Variants in GMEB1 observed in about 807,000 individuals in gnomAD.
GMEB1 encodes the protein glucocorticoid modulatory element binding protein 1.
GMEB1 carries 6 observed loss-of-function variants against 52.4 expected under a neutral mutation model. The ratio of observed to expected loss-of-function variants is 0.11; its 90% CI spans 0.06 to 0.23. The LOEUF is 0.23. GMEB1 is among the 10% of genes least tolerant of loss of function. The pLI is 1.00. For missense variants in GMEB1, 486 were observed against 685.6 expected (o/e 0.71, Z 3.25); for synonymous variants, 255 against 244.9 (o/e 1.04, Z -0.38).
At chr1:28,675,623 T>G (rs1258475685) in intron 1 of GMEB1, among the ~76,000 whole-genome samples, 2 of 145,810 alleles carry the variant, frequency 1.4e-5, no homozygotes, top group African/African-American at 5.1e-5. Flanking sequence ...GAAGTTGCAG[T>G]GAGCGGAGAT....
intron 8 of GMEB1, among the ~76,000 whole-genome samples, chr1:28,706,966 C>G (rs536168473): frequency 9.9e-4 from 133 of 133,766 alleles, no homozygotes; most frequent in African/African-American, 3.6e-3. Context: ...CATGCCTGTC[C>G]TCCAGATTTG....
intron 5 of GMEB1, among the ~76,000 whole-genome samples, chr1:28,694,711 C>T (rs1670119313): frequency 6.6e-6 from 1 of 151,152 alleles, no homozygotes; most frequent in Non-Finnish European, 1.5e-5. Context: ...CTGTGTCGCC[C>T]AGGCTGCAGT....
chr1:28,680,310 T>C (rs1478042762), intron 1 of GMEB1, among the ~76,000 whole-genome samples: 1 of 152,242 alleles, frequency 6.6e-6, no homozygotes, highest in African/African-American at 2.4e-5. Flanking sequence ...GCATATCTGC[T>C]GTGTGCTCAG....
At chr1:28,669,158 T>G (rs1668760508) in intron 1 of GMEB1, among the ~76,000 whole-genome samples, 1 of 148,606 alleles carries the variant, frequency 6.7e-6, no homozygotes, top group Non-Finnish European at 1.5e-5. Flanking sequence ...AGTCCACCAC[T>G]GGGGGGGCCC....
intron 9 of GMEB1, 36 bp downstream of exon 9, chr1:28,710,678 A>G (rs372974630): frequency 1.4e-6 from 2 of 1,405,736 alleles, no homozygotes; most frequent in Non-Finnish European, 1.9e-6. Context: ...CGGTGATATC[A>G]TGCTAATATT....
intron 7 of GMEB1, among the ~76,000 whole-genome samples, chr1:28,702,911 C>G (rs930216985): frequency 6.6e-6 from 1 of 151,958 alleles, no homozygotes; most frequent in Admixed American, 6.6e-5. Context: ...AAAAATTAGC[C>G]GGGCGTGGTA....
intron 5 of GMEB1, among the ~76,000 whole-genome samples, chr1:28,694,750 G>T (rs1397543556): frequency 2.0e-5 from 3 of 150,938 alleles, no homozygotes; most frequent in African/African-American, 7.3e-5. Context: ...TGCAACTTCC[G>T]CCTCCCAGGT....
At position 28,671,210 on chromosome 1, in the gene GMEB1, T is replaced by G. The variant is rs1011253698; in HGVS notation, c.-31+2371T>G. On this transcript the variant is annotated intron_variant, in intron 1 of 9. Coordinates refer to ENST00000373816, the MANE Select transcript of GMEB1 (RefSeq NM_001319674.2). ...TTTGGCCTCAAGTAATAATAAAGTT[T>G]TAACTTGGATTTTTCCCCCCGTTTT... is the stretch of plus-strand genomic sequence containing the variant. Among the ~76,000 whole-genome samples, 4 of 152,200 alleles carry G rather than the reference T, an allele frequency of 2.6e-5. No individual in the cohort carries two copies. In the East Asian group the frequency reaches 7.7e-4, roughly 29 times the overall value.
chr1:28,706,048 A>G (rs1012292306), intron 8 of GMEB1, among the ~76,000 whole-genome samples: 1 of 151,718 alleles, frequency 6.6e-6, no homozygotes, highest in Admixed American at 6.6e-5. Flanking sequence ...CAGCTACTTG[A>G]GAGGCTGAGG....
intron 2 of GMEB1, among the ~76,000 whole-genome samples, chr1:28,688,156 G>C (rs77291348): frequency 1.2e-4 from 18 of 152,104 alleles, no homozygotes; most frequent in African/African-American, 4.1e-4. Context: ...GGTGGCGCAT[G>C]CCTGTAATCC....
chr1:28,692,050 G>C (rs533143986), intron 4 of GMEB1, among the ~76,000 whole-genome samples: 16 of 147,348 alleles, frequency 1.1e-4, no homozygotes, highest in African/African-American at 4.0e-4. Context: ...ACTTTCTGTT[G>C]CCCAGGCTAG....
Position 28,713,690 on chromosome 1 carries a change from T to G in GMEB1, c.992-383T>G, listed in dbSNP as rs910816026. Among the ~76,000 whole-genome samples, 5 of 152,206 alleles carry G rather than the reference T, an allele frequency of 3.3e-5. No homozygotes were observed. The South Asian group carries it at 6.2e-4, about 19-fold the overall frequency. On this transcript the variant is annotated intron_variant, in intron 9 of 9. Coordinates refer to ENST00000373816, the MANE Select transcript of GMEB1 (RefSeq NM_001319674.2). ...GGCATTCTTGCCTTGAAGGATAGTT[T>G]GAAAATCACTGTTTTTTGGAGTGGC...
chr1:28,706,458 G>T (rs977092171), intron 8 of GMEB1, among the ~76,000 whole-genome samples: 6 of 151,640 alleles, frequency 4.0e-5, no homozygotes, highest in Admixed American at 3.3e-4. Context: ...ACAAAAATCC[G>T]CGAGGCATGA....
At chr1:28,705,697 C>A (rs779957757) in intron 8 of GMEB1, among the ~76,000 whole-genome samples, 10 of 150,696 alleles carry the variant, frequency 6.6e-5, no homozygotes, top group Non-Finnish European at 1.0e-4. Flanking sequence ...GTGATCCGCC[C>A]GCCTCGGCCT....
At chr1:28,673,401 C>T (rs964026767) in intron 1 of GMEB1, among the ~76,000 whole-genome samples, 2 of 152,062 alleles carry the variant, frequency 1.3e-5, no homozygotes, top group Non-Finnish European at 2.9e-5. Context: ...GGATTACAGG[C>T]ACCCACAACC....
chr1:28,688,009 G>A (rs1021042978), intron 2 of GMEB1, among the ~76,000 whole-genome samples: 2 of 152,132 alleles, frequency 1.3e-5, no homozygotes, highest in African/African-American at 4.8e-5. Flanking sequence ...ATTTGGCTGG[G>A]CACGGTGGCT....
In GMEB1 at chr1:28,683,640, G is replaced by T; in HGVS notation, c.28G>T (p.Val10Leu). The T allele has an allele frequency of 1.9e-6, 3 of 1,610,124 alleles. No homozygotes were observed. Among genetic ancestry groups the T allele is most frequent in the Non-Finnish European group, 1.7e-6 (2 of 1,178,484 alleles). MANAEVSVP[V>L]GDVVVVPTEG... ...GGCTAATGCAGAAGTGAGTGTCCCA[G>T]TGGGGGATGTGGTTGTGGTACCTAC... The change falls in exon 2 of 10, where the codon GTG becomes TTG. Residue 10 changes from valine (V) to leucine (L), a missense_variant. Val to Leu is a conservative substitution (Grantham distance 32, BLOSUM62 1). Around this residue, in one of 5 missense-constraint regions of GMEB1, gnomAD observed 88 missense variants for 96.5 expected, o/e 0.91. Coordinates refer to ENST00000373816, the MANE Select transcript of GMEB1 (RefSeq NM_001319674.2).
chr1:28,702,660 T>C, intron 7 of GMEB1, 91 bp downstream of exon 7: 2 of 1,194,034 alleles, frequency 1.7e-6, no homozygotes, highest in South Asian at 2.8e-5. Context: ...TTAATTACTT[T>C]CGCTGGATTT....
chr1:28,674,390 T>TTTTA (rs956784502), intron 1 of GMEB1, among the ~76,000 whole-genome samples: 12 of 151,974 alleles, frequency 7.9e-5, no homozygotes, highest in Admixed American at 3.3e-4. Flanking sequence ...GAACAGTTAA[T>TTTTA]TTTATTTATT....
Sources: allele counts gnomAD v4.1 joint callset (sites outside exome capture counted in the v4.1 genomes callset), GRCh38; gene constraint gnomAD v4.1.1; regional missense constraint gnomAD v4.1.1; transcripts MANE v1.5; gene names NCBI Gene and HGNC (gene_info 2026-07-23, HGNC 2026-07-21).